The following SRFBP1 variants were observed in gnomAD, a reference collection of about 807,000 sequenced individuals.
SRFBP1 encodes the protein serum response factor-binding protein 1.
A neutral mutation model predicts 45.5 loss-of-function variants in SRFBP1; 47 were observed. That is an observed-to-expected ratio of 1.03 (90% CI 0.82 to 1.32). The LOEUF (loss-of-function observed/expected upper bound fraction) is 1.32. SRFBP1 is among the 40% of genes most tolerant of loss of function. SRFBP1 has a pLI of 0.00. For missense variants in SRFBP1, 621 were observed against 484.6 expected, an observed-to-expected ratio of 1.28 and a Z score of -2.64; for synonymous variants, 203 against 166.3, an observed-to-expected ratio of 1.22 and a Z score of -1.70.
At chr5:121,966,016 T>G (rs929819382) in intron 1 of SRFBP1, among the ~76,000 whole-genome samples, 2 of 152,198 alleles carry the variant, frequency 1.3e-5, no homozygotes, top group African/African-American at 4.8e-5. Context: ...GGAATGCTTG[T>G]GATTTTTGCA....
downstream of SRFBP1, chr5:122,077,442 G>A: frequency 6.2e-7 from 1 of 1,614,128 alleles, no homozygotes; most frequent in Admixed American, 1.7e-5. This position sits in a 1 kb window ranked among gnomAD's most constrained non-coding sequence, Gnocchi z 4.9. Flanking sequence ...TTGTAATAAG[G>A]GTTGTCGTCA....
intron 4 of SRFBP1, among the ~76,000 whole-genome samples, chr5:121,996,118 A>C (rs1242226993): frequency 6.7e-6 from 1 of 148,330 alleles, no homozygotes; most frequent in African/African-American, 2.5e-5. Context: ...TTCTGAAACT[A>C]TTCCAATCAA....
chr5:121,995,952 G>C (rs1468794977), intron 4 of SRFBP1, among the ~76,000 whole-genome samples: 1 of 152,104 alleles, frequency 6.6e-6, no homozygotes, highest in Non-Finnish European at 1.5e-5. Flanking sequence ...ACTCTCCCAA[G>C]ACTAAACCAG....
intron 2 of SRFBP1, among the ~76,000 whole-genome samples, chr5:122,044,986 T>C (rs1475955676): frequency 6.6e-6 from 1 of 152,150 alleles, no homozygotes; most frequent in African/African-American, 2.4e-5. Context: ...GTTTTTATAG[T>C]TTTAGTTTTT....
intron 4 of SRFBP1, among the ~76,000 whole-genome samples, chr5:122,002,582 C>G (rs1014578341): frequency 6.6e-6 from 1 of 152,180 alleles, no homozygotes; most frequent in African/African-American, 2.4e-5. Flanking sequence ...TCCTCTCCAT[C>G]GTTCCTAAGG....
At chr5:121,979,612 T>G (rs564216370) in intron 3 of SRFBP1, among the ~76,000 whole-genome samples, 183 of 152,316 alleles carry the variant, frequency 1.2e-3, no homozygotes, top group Non-Finnish European at 1.7e-3. Context: ...CAAATCAGAC[T>G]CAACGTGTTA....
intron 4 of SRFBP1, among the ~76,000 whole-genome samples, chr5:121,998,436 A>G (rs570982289): frequency 2.8e-5 from 4 of 141,844 alleles, no homozygotes; most frequent in South Asian, 4.7e-4. Flanking sequence ...AACACCGCAT[A>G]TTCTCACTCA....
At chr5:122,033,014 C>T (rs142955494), downstream of SRFBP1, among the ~76,000 whole-genome samples, 22 of 152,080 alleles carry the variant, frequency 1.4e-4, no homozygotes, top group African/African-American at 5.3e-4. Flanking sequence ...CTCTTTGTGA[C>T]AGTAAGATGG....
intron 2 of SRFBP1, among the ~76,000 whole-genome samples, chr5:122,042,114 A>G (rs1753783456): frequency 6.6e-6 from 1 of 151,828 alleles, no homozygotes; most frequent in South Asian, 2.1e-4. Context: ...ATTTGTGCCT[A>G]GTGCATTTTG....
intron 2 of SRFBP1, chr5:122,065,602 A>G (rs1403292767): frequency 6.6e-6 from 1 of 152,068 alleles, no homozygotes; most frequent in Non-Finnish European, 1.5e-5. Context: ...AATTTAGACT[A>G]TATCTCAGAC....
downstream of SRFBP1, chr5:122,077,483 C>T (rs1754671507): frequency 6.2e-7 from 1 of 1,613,850 alleles, no homozygotes; most frequent in African/African-American, 1.3e-5. The surrounding 1 kb of genome is among the most constrained non-coding windows in gnomAD (Gnocchi z 4.9). Flanking sequence ...AGGGTCGTCG[C>T]CCACCATGCC....
chr5:121,997,868 C>T (rs1217079721), intron 4 of SRFBP1, among the ~76,000 whole-genome samples: 2 of 150,192 alleles, frequency 1.3e-5, no homozygotes, highest in Non-Finnish European at 3.0e-5. Flanking sequence ...CATGAACAGA[C>T]ACTTCTCAAA....
intron 1 of SRFBP1, among the ~76,000 whole-genome samples, chr5:121,965,780 C>A (rs1424135153): frequency 6.6e-6 from 1 of 152,136 alleles, no homozygotes; most frequent in Non-Finnish European, 1.5e-5. Flanking sequence ...TTACTTTGGG[C>A]AGTATGGCTG....
rs1037660335 is a variant in SRFBP1 at position 122,023,606 on chromosome 5, A to G, written c.1105+1199A>G. Among the ~76,000 whole-genome samples, 63 of 152,194 alleles carry G rather than the reference A, an allele frequency of 4.1e-4. 1 individual carries two copies. The highest frequency in any genetic ancestry group is 1.2e-4 in the Non-Finnish European group (8 of 68,026). ...GGCTCTGAGAGGAACTTCTTTATCC[A>G]TTGTTCTTCATGGTCCGTGTCTAGG... On this transcript the variant is annotated intron_variant, in intron 7 of 7. Transcript: ENST00000339397.
At chr5:122,010,125 G>T (rs1477699689) in intron 4 of SRFBP1, among the ~76,000 whole-genome samples, 2 of 152,066 alleles carry the variant, frequency 1.3e-5, no homozygotes, top group Non-Finnish European at 2.9e-5. Context: ...CTACACTTTT[G>T]ATTTTCTCCA....
At chr5:121,963,856 T>C (rs1288726181) in intron 1 of SRFBP1, among the ~76,000 whole-genome samples, 1 of 151,082 alleles carries the variant, frequency 6.6e-6, no homozygotes, top group Non-Finnish European at 1.5e-5. Context: ...TTAAAATTAG[T>C]GGGAAAAAAA....
intron 5 of SRFBP1, 59 bp downstream of exon 5, chr5:122,019,400 G>A (rs888290020): frequency 5.8e-5 from 76 of 1,299,718 alleles, no homozygotes; most frequent in Non-Finnish European, 7.2e-5. Context: ...TTTGGATAAT[G>A]GCTATTCACT....
At chr5:122,009,118 C>T (rs891818087) in intron 4 of SRFBP1, among the ~76,000 whole-genome samples, 3 of 152,112 alleles carry the variant, frequency 2.0e-5, no homozygotes, top group Admixed American at 6.5e-5. Flanking sequence ...CATCCTAGTG[C>T]GTGTATAATA....
At chr5:121,976,761 T>A (rs1024278991) in intron 3 of SRFBP1, among the ~76,000 whole-genome samples, 1 of 150,626 alleles carries the variant, frequency 6.6e-6, no homozygotes, top group Non-Finnish European at 1.5e-5. Flanking sequence ...ATAATATATA[T>A]ATGTGCATAC....
Sources: allele counts gnomAD v4.1 joint callset (sites outside exome capture counted in the v4.1 genomes callset), GRCh38; gene constraint gnomAD v4.1.1; non-coding constraint Gnocchi (gnomAD v3.1); transcripts MANE v1.5; gene names NCBI Gene and HGNC (gene_info 2026-07-23, HGNC 2026-07-21).